The following EFCAB6 variants were observed in gnomAD, a reference collection of about 807,000 sequenced individuals.
The protein encoded by EFCAB6 is EF-hand calcium binding domain 6, also known as EF-hand calcium-binding domain-containing protein 6.
In EFCAB6, 156 loss-of-function variants were observed where a neutral mutation model predicts 169.8. That is an observed-to-expected ratio of 0.92 (90% CI 0.81 to 1.05). The LOEUF (loss-of-function observed/expected upper bound fraction) is 1.05. Ranked by LOEUF, EFCAB6 falls within the 50% of genes least tolerant of loss-of-function variation. The pLI is 0.00. For missense variants in EFCAB6, 1,800 were observed against 1,829.1 expected, an observed-to-expected ratio of 0.98 and a Z score of 0.29; for synonymous variants, 698 against 676.4, an observed-to-expected ratio of 1.03 and a Z score of -0.50.
intron 21 of EFCAB6, among the ~76,000 whole-genome samples, chr22:43,609,779 G>A (rs574544721): frequency 6.6e-5 from 10 of 152,214 alleles, no homozygotes; most frequent in Non-Finnish European, 1.2e-4. Flanking sequence ...GGTAGAGGGA[G>A]TTGCCTACCA....
intron 2 of EFCAB6, among the ~76,000 whole-genome samples, chr22:43,800,348 T>C (rs1222991926): frequency 6.6e-6 from 1 of 151,890 alleles, no homozygotes; most frequent in Non-Finnish European, 1.5e-5. Flanking sequence ...TCTAAGAAAA[T>C]ATACCCAAAG....
chr22:43,679,409 T>C (rs1383195353), intron 12 of EFCAB6, among the ~76,000 whole-genome samples: 2 of 152,254 alleles, frequency 1.3e-5, no homozygotes, highest in African/African-American at 2.4e-5. Flanking sequence ...ATTTGGATTG[T>C]TTCCAGTTTG....
In EFCAB6 at chr22:43,568,678, T is replaced by A. The variant is rs537322667; in HGVS notation, c.3420+7619A>T. Reference sequence around the variant, plus strand: ...GAGGTGAGCAGTGTCCCCCGCACCATGCATTTCCATGGGGCCTGGCTGAGG... The same window carrying A: ...GAGGTGAGCAGTGTCCCCCGCACCAAGCATTTCCATGGGGCCTGGCTGAGG... On this transcript the variant is annotated intron_variant, in intron 26 of 31. Transcript: ENST00000262726. 9.9e-5 allele frequency among the ~76,000 whole-genome samples: 15 copies of A among 152,182 alleles called. No individual in the cohort carries two copies. In the South Asian group the frequency reaches 3.1e-3, roughly 32 times the overall value.
At chr22:43,810,794 G>T (rs1442270084) in intron 1 of EFCAB6, among the ~76,000 whole-genome samples, 1 of 152,154 alleles carries the variant, frequency 6.6e-6, no homozygotes, top group African/African-American at 2.4e-5. Context: ...GGAAAGCACA[G>T]ATAACTAAAA....
chr22:43,725,118 T>C (rs2059676504), intron 8 of EFCAB6, among the ~76,000 whole-genome samples: 1 of 151,014 alleles, frequency 6.6e-6, no homozygotes, highest in Non-Finnish European at 1.5e-5. Context: ...GAGAGGCATG[T>C]TGAGAGCCAA....
chr22:43,740,109 C>T (rs1324100357), intron 6 of EFCAB6, among the ~76,000 whole-genome samples: 1 of 152,192 alleles, frequency 6.6e-6, no homozygotes, highest in Non-Finnish European at 1.5e-5. Context: ...CTCCTTCTGC[C>T]TGGAACATTC....
In EFCAB6 at chr22:43,752,352, A is replaced by T. The variant is rs575617181; in HGVS notation, c.507+3414T>A. 4.2e-3 allele frequency among the ~76,000 whole-genome samples: 642 copies of T among 152,240 alleles called. 2 individuals carry two copies. The highest frequency in any genetic ancestry group is 0.027 in the Middle Eastern group (8 of 294). ...AGGCTGGTCTTAAACTCCTGACCTC[A>T]GGTGATTCGCCTGCCTCGGCCTCCC... On this transcript the variant is annotated intron_variant, in intron 6 of 31. Coordinates refer to ENST00000262726, the MANE Select transcript of EFCAB6 (RefSeq NM_022785.4).
chr22:43,580,461 T>C lies in EFCAB6; in HGVS notation c.3228+3A>G. ...ACAGTAAAGCACTTTCAGCCTGTCA[T>C]ACCGTGGACAAAGCCAGCTGGGAGG... On this transcript the variant is annotated splice_donor_region_variant and intron_variant, in intron 25 of 31. Transcript: ENST00000262726. The C allele has an allele frequency of 6.2e-7, 1 of 1,613,948 alleles. No individual in the cohort carries two copies. Among genetic ancestry groups the C allele is most frequent in the Middle Eastern group, 1.7e-4 (1 of 6,012 alleles).
At position 43,739,991 on chromosome 22, in the gene EFCAB6, C is replaced by T. The variant is rs116332703; in HGVS notation, c.508-3998G>A. Among the ~76,000 whole-genome samples the T allele has an allele frequency of 7.8e-4, 119 of 152,086 alleles. 1 individual carries two copies. Among genetic ancestry groups the T allele is most frequent in the African/African-American group, 2.6e-3 (109 of 41,502 alleles). ...GACTGGCTCCTGGCCACCCCCTGGCCGTGTCTCCCTCCACCTGCCCCCCAC... is the reference window on the plus strand; with the variant it reads ...GACTGGCTCCTGGCCACCCCCTGGCTGTGTCTCCCTCCACCTGCCCCCCAC... On this transcript the variant is annotated intron_variant, in intron 6 of 31. Transcript: ENST00000262726.
At chr22:43,644,666 T>G (rs1298492748) in intron 17 of EFCAB6, among the ~76,000 whole-genome samples, 1 of 152,262 alleles carries the variant, frequency 6.6e-6, no homozygotes, top group African/African-American at 2.4e-5. Context: ...TGTTTTCTTT[T>G]CTTCTTTGCT....
intron 4 of EFCAB6, among the ~76,000 whole-genome samples, chr22:43,771,259 C>T (rs949885907): frequency 3.9e-5 from 6 of 151,978 alleles, no homozygotes; most frequent in Non-Finnish European, 7.4e-5. Flanking sequence ...GCAGAAACCC[C>T]GTCTCTACTA....
intron 6 of EFCAB6, among the ~76,000 whole-genome samples, chr22:43,742,704 C>T (rs1259008798): frequency 1.3e-5 from 2 of 152,240 alleles, no homozygotes; most frequent in African/African-American, 4.8e-5. Context: ...GCGCTGATTC[C>T]AGCCTGACTC....
intron 6 of EFCAB6, among the ~76,000 whole-genome samples, chr22:43,745,191 T>C (rs933913985): frequency 1.3e-5 from 2 of 152,230 alleles, no homozygotes; most frequent in African/African-American, 4.8e-5. Context: ...TATAGCACTT[T>C]GAGCTCCAGG....
At chr22:43,571,950 C>T (rs112937779) in intron 26 of EFCAB6, among the ~76,000 whole-genome samples, 5 of 152,264 alleles carry the variant, frequency 3.3e-5, no homozygotes, top group African/African-American at 1.2e-4. Context: ...TGTCTGAGCT[C>T]AGGTGTTAGC....
intron 24 of EFCAB6, among the ~76,000 whole-genome samples, chr22:43,587,705 G>A (rs2051170955): frequency 6.6e-6 from 1 of 152,180 alleles, no homozygotes; most frequent in South Asian, 2.1e-4. Flanking sequence ...TTAGTTGTGT[G>A]TATCTATAAA....
chr22:43,548,053 G>A lies in EFCAB6; in HGVS notation c.3648+6816C>T, dbSNP rs774895429. On this transcript the variant is annotated intron_variant, in intron 27 of 31. Transcript: ENST00000262726. ...GGAACTTTCAGTGAGCCAAGAGGGC[G>A]CCACTGCACTCCACCCTGGGTGATA... 9.9e-5 allele frequency among the ~76,000 whole-genome samples: 15 copies of A among 152,078 alleles called. 1 individual carries two copies. Among genetic ancestry groups the A allele is most frequent in the Non-Finnish European group, 2.1e-4 (14 of 68,018 alleles).
Position 43,580,584 on chromosome 22 carries a change from T to G in EFCAB6, c.3108A>C (p.Thr1036=), listed in dbSNP as rs1480958677. The G allele has an allele frequency of 6.2e-7, 1 of 1,614,200 alleles. No individual in the cohort carries two copies. Among genetic ancestry groups the G allele is most frequent in the South Asian group, 1.1e-5 (1 of 91,084 alleles). Residue 1036 remains threonine, a synonymous_variant, in exon 25 of 32, where the codon ACA becomes ACC. Coordinates refer to ENST00000262726, the MANE Select transcript of EFCAB6 (RefSeq NM_022785.4). ...CTTCTTTTTCCTTGGGCTGAGCTCCTGTTGACTTGCTGTTCTCCACTGCTC... is the reference window on the plus strand; with the variant it reads ...CTTCTTTTTCCTTGGGCTGAGCTCCGGTTGACTTGCTGTTCTCCACTGCTC... ...FLRAVENSKS[T]GAQPKEKEES...
intron 20 of EFCAB6, among the ~76,000 whole-genome samples, chr22:43,622,458 T>C (rs1354978718): frequency 6.6e-6 from 1 of 151,976 alleles, no homozygotes; most frequent in Non-Finnish European, 1.5e-5. Flanking sequence ...TCCAGTTACT[T>C]GGGAGTCTGA....
intron 10 of EFCAB6, among the ~76,000 whole-genome samples, chr22:43,693,355 C>A (rs2058472514): frequency 6.6e-6 from 1 of 151,584 alleles, no homozygotes; most frequent in African/African-American, 2.4e-5. Flanking sequence ...TCTTTCTCCC[C>A]AGAACACATT....
Sources: gnomAD v4.1 joint callset for allele counts (sites outside exome capture counted in the v4.1 genomes callset) on GRCh38, gnomAD v4.1.1 for gene constraint, MANE v1.5 for transcripts, NCBI Gene and HGNC (gene_info 2026-07-23, HGNC 2026-07-21) for gene names.